Variants in ABCA13 observed in about 807,000 individuals in gnomAD.
ABCA13 encodes ATP binding cassette subfamily A member 13.
Under a neutral mutation model 478.7 loss-of-function variants are expected in ABCA13, and 476 were observed. That is an observed-to-expected ratio of 0.99 (90% confidence interval 0.92 to 1.07). The LOEUF is 1.07. Ranked by LOEUF, ABCA13 falls within the 50% of genes least tolerant of loss-of-function variation. The pLI, the probability that ABCA13 is intolerant of heterozygous loss-of-function variation, is 0.00. For synonymous variants in ABCA13, 2,252 were observed against 2,158.9 expected (o/e 1.04, Z -1.20); for missense variants, 6,060 against 5,910.6 (o/e 1.03, Z -0.83).
intron 5 of ABCA13, among the ~76,000 whole-genome samples, chr7:48,224,645 G>T (rs145243481): frequency 6.6e-6 from 1 of 151,922 alleles, no homozygotes; most frequent in Non-Finnish European, 1.5e-5. Context: ...CTAATTGTTG[G>T]ATTTAAAAAA....
rs1401734004 is a variant in ABCA13 at position 48,234,033 on chromosome 7, T to A, written c.779T>A (p.Leu260Gln). 6.2e-7 allele frequency: 1 copy of A among 1,614,036 alleles called. No homozygotes were observed. The highest frequency in any genetic ancestry group is 1.1e-5 in the South Asian group (1 of 91,076). The change falls in exon 8 of 62, where the codon CTG becomes CAG. Residue 260 changes from leucine to glutamine, a missense_variant. Around this residue, in one of 3 missense-constraint regions of ABCA13, gnomAD observed 4,423 missense variants for 4,309.1 expected, o/e 1.03. Coordinates refer to ENST00000435803, the MANE Select transcript of ABCA13 (RefSeq NM_152701.5). ...GVAVTEPVYH[L>Q]SMQNIVWDPQ... is the part of the protein sequence containing the mutation. The stretch of plus-strand genomic sequence containing the variant: ...ATTCCAACAGAGCCAGTTTACCACC[T>A]GTCCATGCAGAATATAGTGTGGGAT...
At chr7:48,198,525 C>T (rs1798246411) in intron 3 of ABCA13, among the ~76,000 whole-genome samples, 165 bp downstream of exon 3, 1 of 152,252 alleles carries the variant, frequency 6.6e-6, no homozygotes, top group Non-Finnish European at 1.5e-5. Context: ...CTGCCTCCAA[C>T]TAATGGTTAG....
intron 55 of ABCA13, among the ~76,000 whole-genome samples, chr7:48,560,030 C>A (rs1379377997): frequency 1.3e-5 from 2 of 152,252 alleles, no homozygotes; most frequent in Non-Finnish European, 1.5e-5. Context: ...CTGGTGTCTC[C>A]CTAGGTCACA....
intron 59 of ABCA13, among the ~76,000 whole-genome samples, chr7:48,639,661 C>T (rs1262042743): frequency 2.6e-5 from 4 of 152,124 alleles, no homozygotes; most frequent in South Asian, 4.2e-4. Context: ...ATAGACTCCT[C>T]GTGGGGCAGA....
intron 39 of ABCA13, among the ~76,000 whole-genome samples, chr7:48,408,809 C>T (rs1818612449): frequency 1.3e-5 from 2 of 151,986 alleles, no homozygotes; most frequent in Admixed American, 6.6e-5. Flanking sequence ...AAGCCTAGTA[C>T]CCATTCATTA....
chr7:48,325,473 T>A (rs1804180207), intron 27 of ABCA13, among the ~76,000 whole-genome samples: 1 of 152,152 alleles, frequency 6.6e-6, no homozygotes, highest in South Asian at 2.1e-4. Flanking sequence ...TCAAAAAATA[T>A]CAGACGGTGC....
At chr7:48,328,311 A>T (rs140031741) in intron 27 of ABCA13, among the ~76,000 whole-genome samples, 2 of 152,122 alleles carry the variant, frequency 1.3e-5, no homozygotes, top group Admixed American at 1.3e-4. Context: ...ATTGCAATCC[A>T]CTTTCTGACT....
At chr7:48,269,163 A>G in intron 16 of ABCA13, 69 bp downstream of exon 16, 1 of 841,448 alleles carries the variant, frequency 1.2e-6, no homozygotes. Flanking sequence ...AAACCTAATT[A>G]TAGGATATGC....
chr7:48,633,771 C>T (rs993815327), intron 59 of ABCA13, among the ~76,000 whole-genome samples: 7 of 151,746 alleles, frequency 4.6e-5, no homozygotes, highest in Middle Eastern at 3.4e-3. Context: ...CACCTATAAT[C>T]CCAGCTACTT....
intron 1 of ABCA13, 62 bp from the exon 2 acceptor site, chr7:48,192,897 T>C (rs1341909593): frequency 4.4e-5 from 58 of 1,305,038 alleles, no homozygotes; most frequent in Non-Finnish European, 5.6e-5. Flanking sequence ...CTTCAAGAGA[T>C]GAAAATATTG....
At chr7:48,454,909 TG>T in intron 42 of ABCA13, 127 bp from the exon 43 acceptor site, 1 of 1,299,566 alleles carries the variant, frequency 7.7e-7, no homozygotes, top group Non-Finnish European at 1.0e-6. Context: ...GGAGTCCTCA[TG>T]GGGTGGGCCT....
intron 48 of ABCA13, among the ~76,000 whole-genome samples, chr7:48,503,309 C>A (rs1245552342): frequency 1.3e-5 from 2 of 152,174 alleles, no homozygotes; most frequent in Non-Finnish European, 2.9e-5. Flanking sequence ...AGGCTGGCCT[C>A]AAACTCTTGG....
At chr7:48,636,011 C>A (rs1017871234) in intron 59 of ABCA13, among the ~76,000 whole-genome samples, 5 of 152,152 alleles carry the variant, frequency 3.3e-5, no homozygotes, top group South Asian at 2.1e-4. Context: ...CTATTTATAT[C>A]TATTTCATGC....
intron 27 of ABCA13, among the ~76,000 whole-genome samples, chr7:48,332,080 T>G (rs529431429): frequency 6.6e-6 from 1 of 152,340 alleles, no homozygotes; most frequent in South Asian, 2.1e-4. Context: ...AGGAGTTCAT[T>G]CATTTTTATT....
rs1450201381 is a variant in ABCA13, at chr7:48,448,547, A to G, written c.12566-6490A>G. ...TTTTGACATTTTGGCTATTACAATC[A>G]TAGGGCATTGCAAAGAACCAAATCA... On this transcript the variant is annotated intron_variant, in intron 42 of 61. Transcript: ENST00000435803. Among the ~76,000 whole-genome samples, 4 of 152,346 alleles carry G rather than the reference A, an allele frequency of 2.6e-5. No individual in the cohort carries two copies. The East Asian group carries it at 7.7e-4, about 29-fold the overall frequency.
chr7:48,558,331 C>T (rs1786083878), intron 55 of ABCA13, among the ~76,000 whole-genome samples: 1 of 151,368 alleles, frequency 6.6e-6, no homozygotes, highest in Non-Finnish European at 1.5e-5. Context: ...CTGCCTCACC[C>T]TGTCACCCAG....
chr7:48,399,572 G>C (rs752032255), intron 38 of ABCA13, among the ~76,000 whole-genome samples: 23 of 152,182 alleles, frequency 1.5e-4, no homozygotes, highest in Middle Eastern at 3.2e-3. Flanking sequence ...GAAATTACAA[G>C]GTCTAGGATG....
At chr7:48,309,880 G>T in intron 23 of ABCA13, 67 bp from the exon 24 acceptor site, 1 of 1,571,184 alleles carries the variant, frequency 6.4e-7, no homozygotes, top group African/African-American at 1.3e-5. Context: ...ATGAAGCTCC[G>T]GTCTGAGGTG....
At chr7:48,575,073 T>G (rs1002947465) in intron 55 of ABCA13, among the ~76,000 whole-genome samples, 20 of 151,852 alleles carry the variant, frequency 1.3e-4, no homozygotes, top group African/African-American at 2.9e-4. Flanking sequence ...TTTTTTTGCA[T>G]AACACATGTA....
Sources: allele counts gnomAD v4.1 joint callset (sites outside exome capture counted in the v4.1 genomes callset), GRCh38; gene constraint gnomAD v4.1.1; regional missense constraint gnomAD v4.1.1; transcripts MANE v1.5; gene names NCBI Gene and HGNC (gene_info 2026-07-23, HGNC 2026-07-21).